Variants in CAST observed in about 807,000 individuals in gnomAD.
CAST encodes the protein MIR583 host.
CAST carries 76 observed loss-of-function variants against 119.6 expected under a neutral mutation model. That is an observed-to-expected ratio of 0.64 (90% CI 0.53 to 0.77). The LOEUF is 0.77. Ranked by LOEUF, CAST falls within the 30% of genes least tolerant of loss-of-function variation. CAST has a pLI of 0.00. For missense variants in CAST, 953 were observed against 946.5 expected, an observed-to-expected ratio of 1.01 and a Z score of -0.09; for synonymous variants, 319 against 331.6, an observed-to-expected ratio of 0.96 and a Z score of 0.41.
chr5:96,514,504 C>T, the CAST span, among the ~76,000 whole-genome samples: 1 of 152,226 alleles, frequency 6.6e-6, no homozygotes, highest in Non-Finnish European at 1.5e-5. Flanking sequence ...GAAGGGTATT[C>T]TATTACTAGA....
the CAST span, among the ~76,000 whole-genome samples, chr5:96,010,928 T>C: frequency 5.6e-4 from 85 of 152,314 alleles, no homozygotes; most frequent in African/African-American, 1.9e-3. Flanking sequence ...ATAGAAATGT[T>C]ACTGATTTTT....
chr5:96,131,053 A>C, the CAST span, among the ~76,000 whole-genome samples: 2 of 152,104 alleles, frequency 1.3e-5, no homozygotes, highest in East Asian at 3.8e-4. Flanking sequence ...AAGCAGCACA[A>C]TGAAAATACA....
intron 1 of CAST, among the ~76,000 whole-genome samples, chr5:96,594,424 G>T (rs1747018170): frequency 6.6e-6 from 1 of 152,156 alleles, no homozygotes; most frequent in Admixed American, 6.5e-5. Context: ...CTACTGTTCT[G>T]CCAAAAACAA....
chr5:96,225,078 C>T, the CAST span, among the ~76,000 whole-genome samples: 2 of 152,218 alleles, frequency 1.3e-5, no homozygotes, highest in African/African-American at 4.8e-5. Flanking sequence ...TAGCTTCGAT[C>T]TTACATCAGA....
At chr5:96,166,816 T>C in the CAST span, among the ~76,000 whole-genome samples, 1 of 152,172 alleles carries the variant, frequency 6.6e-6, no homozygotes, top group South Asian at 2.1e-4. Flanking sequence ...TTGGGTGTTA[T>C]ATAGTAGTCC....
chr5:96,376,561 C>T, the CAST span, among the ~76,000 whole-genome samples: 1 of 151,964 alleles, frequency 6.6e-6, no homozygotes, highest in African/African-American at 2.4e-5. Flanking sequence ...CAGCCTCAGC[C>T]TCCTGAATAG....
the CAST span, among the ~76,000 whole-genome samples, chr5:96,065,206 T>C: frequency 5.9e-5 from 9 of 152,228 alleles, no homozygotes; most frequent in Non-Finnish European, 1.2e-4. Flanking sequence ...TTTATCATTA[T>C]TTCTTAAAAC....
At chr5:96,465,684 G>A in the CAST span, among the ~76,000 whole-genome samples, 19 of 152,108 alleles carry the variant, frequency 1.2e-4, no homozygotes, top group Non-Finnish European at 7.4e-5. Context: ...TGAGCAGAAT[G>A]TATGTTGTAG....
At chr5:96,583,143 A>C (rs1336046313) in intron 1 of CAST, among the ~76,000 whole-genome samples, 2 of 152,074 alleles carry the variant, frequency 1.3e-5, no homozygotes, top group Non-Finnish European at 2.9e-5. Flanking sequence ...ACCTTAAAAA[A>C]GTCTTTATTA....
chr5:96,620,025 A>AGACAATGCATGTTAAAT (rs1410369075), intron 1 of CAST, among the ~76,000 whole-genome samples: 1 of 152,258 alleles, frequency 6.6e-6, no homozygotes, highest in Non-Finnish European at 1.5e-5. Flanking sequence ...ATTACATTAG[A>AGACAATGCATGTTAAAT]GACAATGCAT....
the CAST span, among the ~76,000 whole-genome samples, chr5:96,386,689 G>C: frequency 6.6e-6 from 1 of 152,200 alleles, no homozygotes; most frequent in Non-Finnish European, 1.5e-5. Flanking sequence ...ACTTTGCCAG[G>C]CATGGTGGCT....
chr5:96,299,273 CAACAACAACAACAACAACA>C, the CAST span, among the ~76,000 whole-genome samples: 2 of 149,552 alleles, frequency 1.3e-5, no homozygotes, highest in Admixed American at 6.6e-5. Context: ...ACAACAACAA[CAACAACAACAACAACAACA>C]AACAAACAAA....
At chr5:96,540,104 C>T (rs1580815956) in intron 1 of CAST, among the ~76,000 whole-genome samples, 1 of 152,036 alleles carries the variant, frequency 6.6e-6, no homozygotes, top group East Asian at 1.9e-4. Flanking sequence ...CCCCTCCTAG[C>T]CTTATGCTAT....
At chr5:96,650,562 A>T (rs1748077340) in intron 1 of CAST, among the ~76,000 whole-genome samples, 1 of 152,170 alleles carries the variant, frequency 6.6e-6, no homozygotes. Flanking sequence ...TTTGAAATCC[A>T]ATATTAACAA....
intron 3 of CAST, among the ~76,000 whole-genome samples, chr5:96,717,848 T>C (rs111900535): frequency 0.01 from 1,568 of 152,338 alleles, 11 homozygotes; most frequent in Non-Finnish European, 0.016. Flanking sequence ...CTTATTGATA[T>C]TTCATCAGTG....
intron 17 of CAST, 59 bp from the exon 18 acceptor site, chr5:96,747,286 T>A (rs1042103010): frequency 4.2e-6 from 4 of 949,562 alleles, no homozygotes; most frequent in Admixed American, 3.7e-5. Flanking sequence ...ACAAACTTGA[T>A]GGGACATGAA....
intron 1 of CAST, among the ~76,000 whole-genome samples, chr5:96,591,627 A>T (rs1313006215): frequency 2.0e-5 from 3 of 152,174 alleles, no homozygotes; most frequent in African/African-American, 7.2e-5. Context: ...AAGAGAGCTA[A>T]TTTATAATCT....
chr5:96,154,155 G>A, the CAST span, among the ~76,000 whole-genome samples: 37,689 of 151,790 alleles, frequency 0.25, 5,686 homozygotes, highest in Middle Eastern at 0.34. Flanking sequence ...GCGGGTGCCT[G>A]TAGTCCCAGC....
At chr5:96,552,622 A>G (rs545342378) in intron 1 of CAST, among the ~76,000 whole-genome samples, 3 of 152,336 alleles carry the variant, frequency 2.0e-5, no homozygotes, top group African/African-American at 7.2e-5. Flanking sequence ...AAATCAGTGA[A>G]TACAGGAGCT....
Sources: gnomAD v4.1 joint callset for allele counts (sites outside exome capture counted in the v4.1 genomes callset) on GRCh38, gnomAD v4.1.1 for gene constraint, MANE v1.5 for transcripts, NCBI Gene and HGNC (gene_info 2026-07-23, HGNC 2026-07-21) for gene names.